ZNF385D: variants seen among roughly 807,000 people sequenced by gnomAD.
The protein encoded by ZNF385D is zinc finger protein 385D.
In ZNF385D, 15 loss-of-function variants were observed where a neutral mutation model predicts 35.8. The observed-to-expected ratio is 0.42, with a 90% CI of 0.28 to 0.64. The LOEUF is 0.64. Ranked by LOEUF, ZNF385D falls within the 30% of genes least tolerant of loss-of-function variation. The pLI, the probability that ZNF385D is intolerant of heterozygous loss-of-function variation, is 0.23. For synonymous variants in ZNF385D, 212 were observed against 186.8 expected (o/e 1.13, Z -1.10); for missense variants, 474 against 494.6 (o/e 0.96, Z 0.39).
At chr3:22,285,340 G>T (rs1296306568) in intron 2 of ZNF385D, among the ~76,000 whole-genome samples, 1 of 152,076 alleles carries the variant, frequency 6.6e-6, no homozygotes, top group East Asian at 1.9e-4. Flanking sequence ...TGACTAGTTT[G>T]ACTAAGTAGA....
intron 2 of ZNF385D, among the ~76,000 whole-genome samples, chr3:22,297,667 T>C (rs1359231477): frequency 1.3e-5 from 2 of 152,000 alleles, no homozygotes; most frequent in African/African-American, 2.4e-5. Flanking sequence ...CTTCCTACTT[T>C]CCTCTTTGAA....
chr3:21,838,981 T>A (rs1333560635), intron 3 of ZNF385D, among the ~76,000 whole-genome samples: 1 of 152,092 alleles, frequency 6.6e-6, no homozygotes, highest in Non-Finnish European at 1.5e-5. Context: ...ATGAAGTACT[T>A]TCTATTATTA....
intron 3 of ZNF385D, among the ~76,000 whole-genome samples, chr3:22,094,110 A>T (rs1161921496): frequency 2.0e-5 from 3 of 151,988 alleles, no homozygotes; most frequent in East Asian, 1.9e-4. Context: ...AAGTTATTTC[A>T]TGTTTAAAAA....
At chr3:22,351,220 C>T (rs542834893) in intron 2 of ZNF385D, among the ~76,000 whole-genome samples, 36 of 152,132 alleles carry the variant, frequency 2.4e-4, no homozygotes, top group African/African-American at 8.4e-4. Flanking sequence ...TCCATAAAGA[C>T]AGTAATTTTA....
chr3:22,282,861 G>A (rs1315571462), intron 2 of ZNF385D, among the ~76,000 whole-genome samples: 1 of 151,878 alleles, frequency 6.6e-6, no homozygotes, highest in Non-Finnish European at 1.5e-5. Context: ...AATGTAAATG[G>A]CCTAAGTGTT....
At chr3:22,295,936 A>C (rs1374473238) in intron 2 of ZNF385D, among the ~76,000 whole-genome samples, 1 of 152,134 alleles carries the variant, frequency 6.6e-6, no homozygotes, top group South Asian at 2.1e-4. Context: ...GAAACAGGAG[A>C]AAGTCGACAA....
At chr3:21,910,022 A>T (rs1699884818) in intron 3 of ZNF385D, among the ~76,000 whole-genome samples, 1 of 151,970 alleles carries the variant, frequency 6.6e-6, no homozygotes, top group Admixed American at 6.6e-5. Flanking sequence ...TGCACTATTT[A>T]GCTTACTGCT....
chr3:21,654,673 G>A (rs1038464043), intron 2 of ZNF385D, among the ~76,000 whole-genome samples: 2 of 152,064 alleles, frequency 1.3e-5, no homozygotes, highest in East Asian at 3.9e-4. Flanking sequence ...ATAAAAATGA[G>A]TTATCAGAAA....
intron 2 of ZNF385D, among the ~76,000 whole-genome samples, chr3:22,254,375 C>A (rs1700209966): frequency 6.6e-6 from 1 of 151,634 alleles, no homozygotes; most frequent in Non-Finnish European, 1.5e-5. Context: ...TGATGGTTGT[C>A]CTCTCCAGTG....
At chr3:21,435,255 A>AT (rs3064965) in intron 5 of ZNF385D, among the ~76,000 whole-genome samples, 54,220 of 112,914 alleles carry the variant, frequency 0.48, 13,773 homozygotes, top group East Asian at 0.61. Context: ...ACAACTCCCA[A>AT]TTTTTTTTTT....
chr3:21,748,449 A>G (rs2069889702), intron 1 of ZNF385D, among the ~76,000 whole-genome samples: 1 of 152,084 alleles, frequency 6.6e-6, no homozygotes, highest in African/African-American at 2.4e-5. Context: ...CAACACTGAC[A>G]AATCAGATGA....
At chr3:22,101,812 T>G (rs998859879) in intron 3 of ZNF385D, among the ~76,000 whole-genome samples, 1 of 151,976 alleles carries the variant, frequency 6.6e-6, no homozygotes, top group Admixed American at 6.6e-5. Flanking sequence ...TTGGAAATCT[T>G]AGAATGAATA....
At chr3:21,471,295 TCACACA>T (rs151185506) in intron 4 of ZNF385D, among the ~76,000 whole-genome samples, 12,173 of 85,824 alleles carry the variant, frequency 0.14, 1,395 homozygotes, top group East Asian at 0.38. Flanking sequence ...TCTCTCTCTC[TCACACA>T]CACACACACA....
chr3:21,982,081 T>G (rs1475214974), intron 3 of ZNF385D, among the ~76,000 whole-genome samples: 3 of 60,410 alleles, frequency 5.0e-5, no homozygotes, highest in East Asian at 1.1e-3. Flanking sequence ...TTAAAATAGT[T>G]TTTTTTTTTT....
At position 22,027,661 on chromosome 3, in the gene ZNF385D, C is replaced by G. The variant is rs186307159; in HGVS notation, c.325+141156G>C. Among the ~76,000 whole-genome samples, 515 of 152,214 alleles carry G rather than the reference C, an allele frequency of 3.4e-3. 2 individuals carry two copies. Among genetic ancestry groups the G allele is most frequent in the Middle Eastern group, 0.01 (3 of 294 alleles). ...ACTGGGTGCTTTCTGACCTGTCTAG[C>G]CATAAAGTGGGTCACGCACAGCTGC... On this transcript the variant is annotated intron_variant, in intron 3 of 5. Coordinates refer to the ZNF385D transcript ENST00000494108.
intron 3 of ZNF385D, among the ~76,000 whole-genome samples, chr3:22,041,682 G>T (rs769302665): frequency 9.2e-5 from 14 of 151,986 alleles, no homozygotes; most frequent in Non-Finnish European, 1.8e-4. Flanking sequence ...TATTTATATT[G>T]ATCTGCACTT....
chr3:22,280,097 T>C (rs575877389), intron 2 of ZNF385D, among the ~76,000 whole-genome samples: 11 of 152,246 alleles, frequency 7.2e-5, no homozygotes, highest in African/African-American at 2.6e-4. Context: ...GAATTGTCTA[T>C]TCATGTCCTT....
chr3:22,178,405 A>G (rs1186984309), intron 2 of ZNF385D, among the ~76,000 whole-genome samples: 1 of 152,168 alleles, frequency 6.6e-6, no homozygotes, highest in African/African-American at 2.4e-5. Context: ...GTCTGTGCAT[A>G]TCCTTCACCC....
chr3:21,796,631 G>A (rs1281973430), intron 3 of ZNF385D, among the ~76,000 whole-genome samples: 3 of 152,238 alleles, frequency 2.0e-5, no homozygotes, highest in African/African-American at 7.2e-5. Context: ...GTGGATCACA[G>A]ACATAAATGT....
Sources: gnomAD v4.1 joint callset for allele counts (sites outside exome capture counted in the v4.1 genomes callset) on GRCh38, gnomAD v4.1.1 for gene constraint, MANE v1.5 for transcripts, NCBI Gene and HGNC (gene_info 2026-07-23, HGNC 2026-07-21) for gene names.